ATP11A: variants seen among roughly 807,000 people sequenced by gnomAD.
ATP11A encodes ATPase phospholipid transporting 11A, also known as phospholipid-transporting ATPase IH.
A neutral mutation model predicts 154.4 loss-of-function variants in ATP11A; 81 were observed. The observed-to-expected ratio is 0.52, with a 90% confidence interval of 0.44 to 0.63. ATP11A has a LOEUF of 0.63. ATP11A is among the 30% of genes least tolerant of loss of function. The pLI is 0.00. For missense variants in ATP11A, 1,316 were observed against 1,474.3 expected, an observed-to-expected ratio of 0.89 and a Z score of 1.76; for synonymous variants, 623 against 585.9, an observed-to-expected ratio of 1.06 and a Z score of -0.91.
At position 112,819,948 on chromosome 13, in the gene ATP11A, G is replaced by A; in HGVS notation, c.723G>A (p.Val241=). The A allele has an allele frequency of 6.2e-7, 1 of 1,605,652 alleles. No homozygotes were observed. ...ACAGTGACCTGAATGACCCCGTGGT[G>A]AGGTGAGTGCCTCTGCGGATGCCTT... The part of the protein sequence containing the change: ...NVYSDLNDPV[V]RPLGSENLLL... The change falls in exon 8 of 30, where the codon GTG becomes GTA. Residue 241 remains valine (V), a splice_region_variant and synonymous_variant. Transcript: ENST00000375645.
intron 1 of ATP11A, among the ~76,000 whole-genome samples, chr13:112,740,801 C>T (rs912235192): frequency 2.0e-5 from 3 of 152,196 alleles, no homozygotes; most frequent in Non-Finnish European, 4.4e-5. Flanking sequence ...GGAGCTCTGG[C>T]TGTGCAGGAA....
chr13:112,694,150 T>C (rs1885518107), intron 1 of ATP11A, among the ~76,000 whole-genome samples: 1 of 152,196 alleles, frequency 6.6e-6, no homozygotes, highest in Non-Finnish European at 1.5e-5. Flanking sequence ...CTCCCTGCCC[T>C]TCTTAGCCAT....
chr13:112,708,487 A>G (rs1887400008), intron 1 of ATP11A, among the ~76,000 whole-genome samples: 1 of 152,244 alleles, frequency 6.6e-6, no homozygotes, highest in Admixed American at 6.5e-5. Context: ...ATAGCATGAA[A>G]TTGACTAGAA....
Position 112,787,763 on chromosome 13 carries a change from C to T in ATP11A, c.162+2506C>T, listed in dbSNP as rs888193179. Among the ~76,000 whole-genome samples the T allele has an allele frequency of 1.5e-4, 23 of 149,950 alleles. 1 individual carries two copies. The Middle Eastern group carries it at 0.018, about 116-fold the overall frequency. ...CTGATGTGTAGACCCCTGTGGAGAC[C>T]TACTTAATTCACACCGGTGTCCTGA... On this transcript the variant is annotated intron_variant, in intron 2 of 29. Coordinates refer to ENST00000375645, the MANE Select transcript of ATP11A (RefSeq NM_015205.3).
intron 4 of ATP11A, among the ~76,000 whole-genome samples, chr13:112,808,091 G>A (rs2078373323): frequency 1.3e-5 from 2 of 151,966 alleles, no homozygotes; most frequent in African/African-American, 2.4e-5. Flanking sequence ...GAGAGGCAGC[G>A]GCCGGGGAGC....
intron 3 of ATP11A, 42 bp from the exon 4 acceptor site, chr13:112,806,171 T>G (rs767035161): frequency 1.3e-6 from 2 of 1,494,444 alleles, no homozygotes; most frequent in Admixed American, 1.7e-5. Context: ...AGTCACTCAT[T>G]TGTGTTTTTG....
chr13:112,817,362 A>T (rs560196693), intron 6 of ATP11A, among the ~76,000 whole-genome samples: 1 of 152,368 alleles, frequency 6.6e-6, no homozygotes, highest in East Asian at 1.9e-4. Flanking sequence ...ATGAATTGAT[A>T]GATGAAAAAC....
chr13:112,775,166 C>T (rs1357971958), intron 1 of ATP11A, among the ~76,000 whole-genome samples: 4 of 152,254 alleles, frequency 2.6e-5, no homozygotes, highest in Non-Finnish European at 5.9e-5. Flanking sequence ...GAGGCAGGCC[C>T]TTGATGTGCA....
chr13:112,748,204 A>G (rs374291142), intron 1 of ATP11A, among the ~76,000 whole-genome samples: 16 of 152,360 alleles, frequency 1.1e-4, no homozygotes, highest in African/African-American at 3.8e-4. Flanking sequence ...ATCTGGTCCC[A>G]AGCATTTTGG....
intron 25 of ATP11A, among the ~76,000 whole-genome samples, chr13:112,870,889 C>A (rs570224879): frequency 6.6e-6 from 1 of 152,338 alleles, no homozygotes; most frequent in South Asian, 2.1e-4. Flanking sequence ...GAGAGGCGTG[C>A]TGTCCTCACG....
chr13:112,770,571 C>G (rs1315579247), intron 1 of ATP11A, among the ~76,000 whole-genome samples: 1 of 152,232 alleles, frequency 6.6e-6, no homozygotes, highest in East Asian at 1.9e-4. Flanking sequence ...AGACCCCAGA[C>G]CCTGCTTACA....
chr13:112,802,552 C>CA (rs35889771), intron 2 of ATP11A, among the ~76,000 whole-genome samples: 3,891 of 80,502 alleles, frequency 0.048, 135 homozygotes, highest in African/African-American at 0.11. Context: ...ACTGGACATG[C>CA]AAAAAAAAAA....
At chr13:112,743,413 T>A (rs1891756739) in intron 1 of ATP11A, among the ~76,000 whole-genome samples, 1 of 138,452 alleles carries the variant, frequency 7.2e-6, no homozygotes, top group Admixed American at 6.9e-5. Context: ...TCCTGCAGGT[T>A]CCTGCTAGCA....
intron 13 of ATP11A, 59 bp from the exon 14 acceptor site, chr13:112,832,801 C>T: frequency 6.5e-7 from 1 of 1,549,324 alleles, no homozygotes; most frequent in Non-Finnish European, 8.8e-7. Context: ...GCGCCTGTTT[C>T]CCTCTATCTT....
chr13:112,831,600 G>T, intron 13 of ATP11A, 52 bp downstream of exon 13: 2 of 1,584,580 alleles, frequency 1.3e-6, no homozygotes, highest in Non-Finnish European at 1.7e-6. Context: ...GGGCGGCTGT[G>T]CATGCTGAGT....
chr13:112,699,964 A>G (rs1474589765), intron 1 of ATP11A, among the ~76,000 whole-genome samples: 1 of 151,950 alleles, frequency 6.6e-6, no homozygotes, highest in Non-Finnish European at 1.5e-5. Flanking sequence ...ACGCTTTTCA[A>G]TGTAACACAT....
chr13:112,777,748 G>T (rs568444785), intron 1 of ATP11A, among the ~76,000 whole-genome samples: 2 of 152,348 alleles, frequency 1.3e-5, no homozygotes, highest in South Asian at 4.1e-4. Flanking sequence ...AAGGCTGCCA[G>T]GATGCTGTGC....
At chr13:112,732,187 G>A (rs1890555798) in intron 1 of ATP11A, among the ~76,000 whole-genome samples, 1 of 152,202 alleles carries the variant, frequency 6.6e-6, no homozygotes, top group Admixed American at 6.5e-5. Context: ...GGAGTCGGAG[G>A]AGCCACAGAC....
At chr13:112,874,240 G>C (rs972386308) in intron 27 of ATP11A, among the ~76,000 whole-genome samples, 4 of 152,200 alleles carry the variant, frequency 2.6e-5, no homozygotes, top group African/African-American at 9.7e-5. Flanking sequence ...CGGGCGGGAG[G>C]AGGTCCTCCG....
Sources: allele counts gnomAD v4.1 joint callset (sites outside exome capture counted in the v4.1 genomes callset), GRCh38; gene constraint gnomAD v4.1.1; transcripts MANE v1.5; gene names NCBI Gene and HGNC (gene_info 2026-07-23, HGNC 2026-07-21).